Variants in PRKCA observed in about 807,000 individuals in gnomAD.
The protein encoded by PRKCA is protein kinase C alpha, also known as protein kinase C alpha type.
In PRKCA, 27 loss-of-function variants were observed where a neutral mutation model predicts 87.0. The observed-to-expected ratio is 0.31, with a 90% CI of 0.23 to 0.43. PRKCA has a LOEUF of 0.43. Among genes scored for constraint, PRKCA ranks in the 20% least tolerant of loss-of-function variants. The pLI, the probability that PRKCA is intolerant of heterozygous loss-of-function variation, is 1.00. For synonymous variants in PRKCA, 329 were observed against 311.1 expected, an observed-to-expected ratio of 1.06 and a Z score of -0.61; for missense variants, 518 against 852.3, an observed-to-expected ratio of 0.61 and a Z score of 4.88.
intron 14 of PRKCA, chr17:66,774,531 G>T: frequency 1.3e-6 from 1 of 761,492 alleles, no homozygotes; most frequent in Non-Finnish European, 1.6e-6. Context: ...TGAGGCATGA[G>T]AATTGCTTAA....
chr17:66,333,628 C>T (rs1906483550), intron 2 of PRKCA, among the ~76,000 whole-genome samples: 1 of 152,074 alleles, frequency 6.6e-6, no homozygotes, highest in Non-Finnish European at 1.5e-5. Context: ...GTGAAGGGGT[C>T]TGGGCTACGT....
chr17:66,766,723 G>A (rs1568021812), intron 13 of PRKCA, among the ~76,000 whole-genome samples: 1 of 151,234 alleles, frequency 6.6e-6, no homozygotes, highest in Non-Finnish European at 1.5e-5. Context: ...CAGAAGAATT[G>A]CTTGAACCCG....
At chr17:66,713,083 A>C (rs1598891197) in intron 8 of PRKCA, among the ~76,000 whole-genome samples, 2 of 112,498 alleles carry the variant, frequency 1.8e-5, no homozygotes, top group Non-Finnish European at 3.3e-5. Flanking sequence ...ATGGAGTCTC[A>C]CTCTGTTGCC....
chr17:66,735,797 G>T, intron 10 of PRKCA, 135 bp downstream of exon 10: 2 of 967,416 alleles, frequency 2.1e-6, no homozygotes, highest in East Asian at 2.6e-5. Context: ...AGAGGTGACT[G>T]GGGACCACCT....
chr17:66,592,125 C>T (rs1392825297), intron 3 of PRKCA, among the ~76,000 whole-genome samples: 3 of 152,052 alleles, frequency 2.0e-5, no homozygotes, highest in African/African-American at 7.2e-5. Flanking sequence ...GAGGCCGAGG[C>T]AGGCAGATCA....
chr17:66,714,846 G>A lies in PRKCA; in HGVS notation c.919-17842G>A, dbSNP rs532346086. 3.3e-5 allele frequency among the ~76,000 whole-genome samples: 5 copies of A among 152,328 alleles called. No individual in the cohort carries two copies. In the South Asian group the frequency reaches 1.0e-3, roughly 32 times the overall value. ...CCTAGTGAGCTGCCTGACACAGAGG[G>A]CCCAGAGAATAGCCCAGAACAGTGC... On this transcript the variant is annotated intron_variant, in intron 8 of 16. Coordinates refer to ENST00000413366, the MANE Select transcript of PRKCA (RefSeq NM_002737.3).
intron 10 of PRKCA, among the ~76,000 whole-genome samples, chr17:66,736,579 C>G (rs1224745157): frequency 6.6e-6 from 1 of 152,208 alleles, no homozygotes; most frequent in Non-Finnish European, 1.5e-5. Flanking sequence ...CACCTGGCCA[C>G]AGTCTTGGCT....
intron 3 of PRKCA, among the ~76,000 whole-genome samples, chr17:66,561,655 C>T (rs1449952817): frequency 6.6e-6 from 1 of 152,004 alleles, no homozygotes; most frequent in East Asian, 1.9e-4. Flanking sequence ...TAGAAGCAAC[C>T]CAAGTGCCTA....
chr17:66,502,957 C>G, intron 3 of PRKCA, among the ~76,000 whole-genome samples: 1 of 152,340 alleles, frequency 6.6e-6, no homozygotes, highest in South Asian at 2.1e-4. Context: ...CCGCGCCCAG[C>G]GTGCCCCCCA....
At chr17:66,600,969 G>A (rs1295045760) in intron 3 of PRKCA, among the ~76,000 whole-genome samples, 1 of 68,254 alleles carries the variant, frequency 1.5e-5, no homozygotes, top group Admixed American at 1.9e-4. Flanking sequence ...TAGTCTGATG[G>A]GCTTTCCTTT....
chr17:66,540,687 C>A (rs1967956441), intron 3 of PRKCA, among the ~76,000 whole-genome samples: 1 of 152,206 alleles, frequency 6.6e-6, no homozygotes, highest in Non-Finnish European at 1.5e-5. Context: ...GGAATTCAGG[C>A]TGTAGGCTCT....
chr17:66,708,822 G>A (rs537797666), intron 8 of PRKCA, among the ~76,000 whole-genome samples: 119 of 152,294 alleles, frequency 7.8e-4, no homozygotes, highest in Non-Finnish European at 1.5e-3. Flanking sequence ...ATTGCAATAA[G>A]GGTGTTTTTG....
chr17:66,533,640 T>A (rs1456345700), intron 3 of PRKCA, among the ~76,000 whole-genome samples: 2 of 152,204 alleles, frequency 1.3e-5, no homozygotes, highest in Non-Finnish European at 2.9e-5. Context: ...TTTAATTTGA[T>A]ACCCAGTGGG....
chr17:66,442,226 T>A (rs1913807221), intron 2 of PRKCA, among the ~76,000 whole-genome samples: 1 of 82,650 alleles, frequency 1.2e-5, no homozygotes, highest in Admixed American at 1.2e-4. Flanking sequence ...GCCTGGCTGA[T>A]TTTTTTTTTT....
At chr17:66,725,939 C>T (rs1973737061) in intron 8 of PRKCA, among the ~76,000 whole-genome samples, 1 of 152,050 alleles carries the variant, frequency 6.6e-6, no homozygotes, top group African/African-American at 2.4e-5. Flanking sequence ...GAGATGGGAG[C>T]CAGGTAAGGG....
chr17:66,375,252 G>A (rs1476975676), intron 2 of PRKCA, among the ~76,000 whole-genome samples: 10 of 152,132 alleles, frequency 6.6e-5, no homozygotes, highest in African/African-American at 9.7e-5. Context: ...ATAAGTGATC[G>A]AGGAAAAGGA....
intron 14 of PRKCA, among the ~76,000 whole-genome samples, chr17:66,776,909 T>G (rs1466856265): frequency 1.3e-5 from 2 of 152,196 alleles, no homozygotes; most frequent in African/African-American, 4.8e-5. Flanking sequence ...CATTCTTCCC[T>G]TACCAGTCAG....
chr17:66,452,277 G>A (rs923733580), intron 2 of PRKCA, among the ~76,000 whole-genome samples: 4 of 152,098 alleles, frequency 2.6e-5, no homozygotes, highest in Non-Finnish European at 5.9e-5. Flanking sequence ...CCAATGTAGC[G>A]TTTGCTAAGG....
intron 5 of PRKCA, 110 bp downstream of exon 5, chr17:66,645,621 A>G (rs1417564686): frequency 6.8e-7 from 1 of 1,477,994 alleles, no homozygotes; most frequent in Non-Finnish European, 9.2e-7. Context: ...GCCTCTGGAG[A>G]GGCAGTCGCC....
Sources: gnomAD v4.1 joint callset for allele counts (sites outside exome capture counted in the v4.1 genomes callset) on GRCh38, gnomAD v4.1.1 for gene constraint, MANE v1.5 for transcripts, NCBI Gene and HGNC (gene_info 2026-07-23, HGNC 2026-07-21) for gene names.